Variants in SOX30 observed in about 807,000 individuals in gnomAD.
SOX30 encodes the protein SRY-box transcription factor 30, also known as transcription factor SOX-30.
A neutral mutation model predicts 58.6 loss-of-function variants in SOX30; 17 were observed. That is an observed-to-expected ratio of 0.29 (90% CI 0.20 to 0.44). The LOEUF (loss-of-function observed/expected upper bound fraction) is 0.44. Ranked by LOEUF, SOX30 falls within the 20% of genes least tolerant of loss-of-function variation. SOX30 has a pLI of 1.00. For missense variants in SOX30, 951 were observed against 965.8 expected, an observed-to-expected ratio of 0.98 and a Z score of 0.20; for synonymous variants, 421 against 400.2, an observed-to-expected ratio of 1.05 and a Z score of -0.62.
intron 3 of SOX30, among the ~76,000 whole-genome samples, chr5:157,643,178 C>A (rs1401989425): frequency 6.6e-6 from 1 of 152,050 alleles, no homozygotes; most frequent in South Asian, 2.1e-4. Context: ...AATCTCAGCA[C>A]TTTGGGAGGC....
intron 3 of SOX30, among the ~76,000 whole-genome samples, chr5:157,643,376 CGCCACT>C (rs1274428607): frequency 6.6e-6 from 1 of 152,024 alleles, no homozygotes; most frequent in Non-Finnish European, 1.5e-5. Context: ...GCTGAGGTCG[CGCCACT>C]GCACTCCAGC....
At chr5:157,627,704 T>C (rs1186529043) in intron 4 of SOX30, among the ~76,000 whole-genome samples, 4 of 151,982 alleles carry the variant, frequency 2.6e-5, no homozygotes, top group Non-Finnish European at 4.4e-5. Context: ...TTAAAAGTTA[T>C]GGTTTTTTGG....
chr5:157,637,875 G>A (rs1357396932), intron 4 of SOX30, among the ~76,000 whole-genome samples: 1 of 152,052 alleles, frequency 6.6e-6, no homozygotes, highest in Non-Finnish European at 1.5e-5. Flanking sequence ...TGTATTTTTA[G>A]TAGAGACAGA....
intron 2 of SOX30, among the ~76,000 whole-genome samples, chr5:157,660,304 C>T (rs188928876): frequency 3.9e-5 from 6 of 152,244 alleles, no homozygotes; most frequent in Non-Finnish European, 8.8e-5. Flanking sequence ...TGCCTGTAGT[C>T]CTAGCTACTC....
intron 1 of SOX30, chr5:157,667,979 A>G: frequency 9.5e-7 from 1 of 1,050,346 alleles, no homozygotes; most frequent in Non-Finnish European, 1.4e-6. Context: ...CAGGCAAGAA[A>G]ACCAAGGCAC....
intron 3 of SOX30, among the ~76,000 whole-genome samples, chr5:157,639,398 A>C (rs1561581555): frequency 6.6e-6 from 1 of 151,632 alleles, no homozygotes; most frequent in East Asian, 1.9e-4. Flanking sequence ...ATGACATTTA[A>C]TTTTTTTCGT....
chr5:157,652,317 C>A lies in SOX30; in HGVS notation c.-239G>T. 1 of 1,220,076 alleles carries A rather than the reference C, an allele frequency of 8.2e-7. No homozygotes were observed. Among genetic ancestry groups the A allele is most frequent in the Non-Finnish European group, 1.0e-6 (1 of 981,452 alleles). 75.6% of individuals were successfully genotyped at this position (1,220,076 alleles called of 1,614,324 possible). A position where few individuals can be genotyped will look rare whatever the true frequency, so the allele number is the denominator to read the frequency against. On this transcript the variant is annotated 5_prime_UTR_variant, in exon 1 of 5. Coordinates refer to ENST00000265007, the MANE Select transcript of SOX30 (RefSeq NM_178424.2). ...CTACTCTCGCCTCGTGCTGAGTCCT[C>A]GAATCACCTGCCATGGTAGGAGCCG...
intron 3 of SOX30, among the ~76,000 whole-genome samples, chr5:157,642,358 TG>T (rs1274004551): frequency 1.3e-5 from 2 of 149,708 alleles, no homozygotes; most frequent in Middle Eastern, 3.2e-3. Context: ...AGCCAAATAA[TG>T]GAGAAATATT....
chr5:157,664,638 A>G (rs1759637516), intron 2 of SOX30, among the ~76,000 whole-genome samples: 1 of 152,260 alleles, frequency 6.6e-6, no homozygotes, highest in Admixed American at 6.5e-5. Context: ...GCACATCAAA[A>G]GAAACTACCA....
chr5:157,627,278 G>A (rs1311021673), intron 4 of SOX30, among the ~76,000 whole-genome samples: 2 of 152,080 alleles, frequency 1.3e-5, no homozygotes, highest in African/African-American at 2.4e-5. Flanking sequence ...CAGGAGGATC[G>A]CTTGAACCCA....
At chr5:157,661,925 T>G (rs1759586045) in intron 2 of SOX30, among the ~76,000 whole-genome samples, 1 of 152,218 alleles carries the variant, frequency 6.6e-6, no homozygotes, top group South Asian at 2.1e-4. Flanking sequence ...TGGATTGGTA[T>G]TATTAATTAT....
chr5:157,638,267 G>T lies in SOX30; in HGVS notation c.1843C>A (p.Pro615Thr). The T allele has an allele frequency of 6.4e-7, 1 of 1,565,710 alleles. No individual in the cohort carries two copies. The highest frequency in any genetic ancestry group is 8.7e-7 in the Non-Finnish European group (1 of 1,154,678). ...GTPPRFSFHH[P>T]YFLPGPHYFP... ...TAGTGAGGTCCGGGTAGGAAGTAAGGGTGATGAAAAGAGAATCTTGGTGGT... is the reference window on the plus strand; with the variant it reads ...TAGTGAGGTCCGGGTAGGAAGTAAGTGTGATGAAAAGAGAATCTTGGTGGT... Residue 615 changes from proline (P) to threonine (T), a missense_variant, in exon 4 of 5, where the codon CCT (proline) becomes ACT (threonine). Transcript: ENST00000265007.
chr5:157,668,394 G>A (rs1328042456), intron 1 of SOX30, among the ~76,000 whole-genome samples: 5 of 152,196 alleles, frequency 3.3e-5, no homozygotes, highest in South Asian at 4.1e-4. Flanking sequence ...AATCAGAGGG[G>A]TAACTTGTCA....
chr5:157,657,247 C>G (rs1252329261), upstream of SOX30, among the ~76,000 whole-genome samples: 25 of 152,060 alleles, frequency 1.6e-4, no homozygotes, highest in Admixed American at 1.6e-3. Flanking sequence ...TCTTATAATT[C>G]TGATATGACT....
At chr5:157,641,082 T>C (rs751699543) in intron 3 of SOX30, among the ~76,000 whole-genome samples, 1 of 152,160 alleles carries the variant, frequency 6.6e-6, no homozygotes, top group Non-Finnish European at 1.5e-5. Context: ...GCCAGTAACA[T>C]AAGCACTTTC....
rs1759323113 is a variant in SOX30, at chr5:157,651,213, A to G, written c.866T>C (p.Val289Ala). ...PPSELIRLTK[V>A]PLTPVPTKMQ... ...TTTAGTAGGCACTGGTGTCAGGGGGACCTTGGTCAATCTTATCAGCTCTGA... is the reference window on the plus strand; with the variant it reads ...TTTAGTAGGCACTGGTGTCAGGGGGGCCTTGGTCAATCTTATCAGCTCTGA... Residue 289 changes from valine (V) to alanine (A), a missense_variant, in exon 1 of 5, where the codon GTC becomes GCC. Physicochemically the swap from Val to Ala is moderately conservative, Grantham distance 64 (BLOSUM62 0). Transcript: ENST00000265007. 6 of 1,613,448 alleles carry G rather than the reference A, an allele frequency of 3.7e-6. No individual in the cohort carries two copies. Among genetic ancestry groups the G allele is most frequent in the Non-Finnish European group, 5.1e-6 (6 of 1,179,730 alleles).
intron 4 of SOX30, among the ~76,000 whole-genome samples, chr5:157,629,991 A>G (rs1232726516): frequency 2.6e-5 from 4 of 152,204 alleles, no homozygotes; most frequent in Admixed American, 2.6e-4. Flanking sequence ...TAAAATAGGG[A>G]TAACAATGTC....
chr5:157,636,640 A>C (rs1440901227), intron 4 of SOX30, among the ~76,000 whole-genome samples: 1 of 152,200 alleles, frequency 6.6e-6, no homozygotes. Flanking sequence ...AAGGGCCCAA[A>C]AGCAAGCAAT....
intron 1 of SOX30, among the ~76,000 whole-genome samples, chr5:157,668,137 G>A (rs917551595): frequency 6.6e-6 from 1 of 152,218 alleles, no homozygotes; most frequent in African/African-American, 2.4e-5. Context: ...CAAAGGAACT[G>A]CTCTGTGAGG....
Sources: allele counts gnomAD v4.1 joint callset (sites outside exome capture counted in the v4.1 genomes callset), GRCh38; gene constraint gnomAD v4.1.1; transcripts MANE v1.5; gene names NCBI Gene and HGNC (gene_info 2026-07-23, HGNC 2026-07-21).